The following L3MBTL4 variants were observed in gnomAD, a reference collection of about 807,000 sequenced individuals.
The protein encoded by L3MBTL4 is lethal(3)malignant brain tumor-like protein 4.
Under a neutral mutation model 84.5 loss-of-function variants are expected in L3MBTL4, and 70 were observed. The observed-to-expected ratio is 0.83, with a 90% CI of 0.68 to 1.01. The LOEUF (loss-of-function observed/expected upper bound fraction) is 1.01. Among genes scored for constraint, L3MBTL4 ranks in the 50% least tolerant of loss-of-function variants. The probability of loss-of-function intolerance (pLI) is 0.00; values close to 1 mark genes in which losing one functional copy is unlikely to be tolerated. For missense variants in L3MBTL4, 715 were observed against 754.8 expected (o/e 0.95, Z 0.62); for synonymous variants, 274 against 259.8 (o/e 1.05, Z -0.52).
intron 7 of L3MBTL4, 61 bp downstream of exon 7, chr18:6,243,233 T>G: frequency 1.5e-6 from 2 of 1,366,542 alleles, no homozygotes; most frequent in Non-Finnish European, 1.9e-6. Context: ...AAAGTATTGT[T>G]AAAATATAAG....
intron 16 of L3MBTL4, among the ~76,000 whole-genome samples, chr18:6,034,961 T>C (rs1249116039): frequency 1.3e-5 from 2 of 151,738 alleles, no homozygotes; most frequent in South Asian, 2.1e-4. Flanking sequence ...GAGAAGTGTC[T>C]GTTCATGTCC....
At chr18:5,966,017 C>G (rs546974418) in intron 17 of L3MBTL4, among the ~76,000 whole-genome samples, 1 of 152,306 alleles carries the variant, frequency 6.6e-6, no homozygotes, top group African/African-American at 2.4e-5. Context: ...GAGATTCCAC[C>G]TGTACCCACA....
chr18:6,345,620 A>T (rs1418081166), intron 1 of L3MBTL4, among the ~76,000 whole-genome samples: 1 of 152,080 alleles, frequency 6.6e-6, no homozygotes, highest in East Asian at 1.9e-4. Context: ...TTTAACCAAG[A>T]GGGTGAAAAA....
In L3MBTL4 at chr18:6,275,016, G is replaced by A. The variant is rs75674158; in HGVS notation, c.128-10978C>T. Among the ~76,000 whole-genome samples, 59 of 152,288 alleles carry A rather than the reference G, an allele frequency of 3.9e-4. 1 individual carries two copies. The East Asian group carries it at 0.01, about 26-fold the overall frequency. On this transcript the variant is annotated intron_variant, in intron 4 of 18. Transcript: ENST00000317931. ...GGGGGCTTAGTACATTTTCAGAGAC[G>A]CTGAATCTTTGAAATCCAAAGGCAT...
rs2046912413 is a variant in L3MBTL4 at position 6,229,590 on chromosome 18, T to C, written c.784+8374A>G. 3.9e-5 allele frequency among the ~76,000 whole-genome samples: 6 copies of C among 152,230 alleles called. No individual in the cohort carries two copies. In the South Asian group the frequency reaches 1.0e-3, roughly 26 times the overall value. ...GAAGCTTTTTCTCTACGTTTTCTTTTAAGAACTTCAATAGTTTTAGTTCTT... is the reference window on the plus strand; with the variant it reads ...GAAGCTTTTTCTCTACGTTTTCTTTCAAGAACTTCAATAGTTTTAGTTCTT... On this transcript the variant is annotated intron_variant, in intron 10 of 18. Coordinates refer to ENST00000317931, the MANE Select transcript of L3MBTL4 (RefSeq NM_001330559.2).
intron 1 of L3MBTL4, among the ~76,000 whole-genome samples, chr18:6,330,539 T>G (rs2051976532): frequency 6.6e-6 from 1 of 152,246 alleles, no homozygotes; most frequent in South Asian, 2.1e-4. Flanking sequence ...AAAGGAACTA[T>G]GCAATTACAT....
intron 1 of L3MBTL4, among the ~76,000 whole-genome samples, chr18:6,328,378 G>A (rs1177281687): frequency 6.6e-6 from 1 of 152,172 alleles, no homozygotes; most frequent in Non-Finnish European, 1.5e-5. Flanking sequence ...ATAGCTTATT[G>A]AGAAGGACAG....
chr18:6,078,099 T>A (rs1478989505), intron 16 of L3MBTL4, among the ~76,000 whole-genome samples: 1 of 143,080 alleles, frequency 7.0e-6, no homozygotes, highest in Non-Finnish European at 1.5e-5. Context: ...CTCATTCAAA[T>A]CTATGCCCAG....
chr18:6,094,267 G>A (rs1224155762), intron 14 of L3MBTL4, among the ~76,000 whole-genome samples: 1 of 152,164 alleles, frequency 6.6e-6, no homozygotes, highest in Non-Finnish European at 1.5e-5. Context: ...TCTCCAAAGA[G>A]GCCCCAAAAC....
chr18:6,397,129 C>T (rs149342317), intron 1 of L3MBTL4: 2 of 152,280 alleles, frequency 1.3e-5, no homozygotes, highest in East Asian at 1.9e-4. Context: ...GTGCAGCAAG[C>T]GGCCGCACTG....
chr18:6,053,864 A>C (rs970883896), intron 16 of L3MBTL4, among the ~76,000 whole-genome samples: 2 of 152,204 alleles, frequency 1.3e-5, no homozygotes, highest in African/African-American at 4.8e-5. Context: ...AGATGACCTA[A>C]ATATGTGAAA....
At chr18:5,964,266 G>A (rs145454147) in intron 17 of L3MBTL4, among the ~76,000 whole-genome samples, 2 of 152,344 alleles carry the variant, frequency 1.3e-5, no homozygotes, top group East Asian at 3.9e-4. Context: ...CCCAGGCTCT[G>A]AGAGGAGCCC....
chr18:5,967,349 C>T (rs186954691), intron 17 of L3MBTL4, among the ~76,000 whole-genome samples: 46 of 152,288 alleles, frequency 3.0e-4, no homozygotes, highest in African/African-American at 1.0e-3. Context: ...AGTGAGTATC[C>T]GCCTTACTGT....
intron 13 of L3MBTL4, among the ~76,000 whole-genome samples, chr18:6,169,788 C>A (rs2043874704): frequency 6.6e-6 from 1 of 151,776 alleles, no homozygotes; most frequent in Admixed American, 6.5e-5. Flanking sequence ...TGTAACAAAC[C>A]TGCACGTTGT....
chr18:6,222,204 ACT>A (rs1275818569), intron 10 of L3MBTL4, among the ~76,000 whole-genome samples: 2 of 152,106 alleles, frequency 1.3e-5, no homozygotes, highest in African/African-American at 2.4e-5. Flanking sequence ...CATAAGTTAG[ACT>A]CTCTAACATT....
intron 4 of L3MBTL4, among the ~76,000 whole-genome samples, chr18:6,267,791 T>C (rs73385962): frequency 2.2e-3 from 336 of 152,286 alleles, no homozygotes; most frequent in African/African-American, 7.9e-3. Flanking sequence ...TATCAAGCAA[T>C]AAAAGCTTTC....
intron 3 of L3MBTL4, among the ~76,000 whole-genome samples, chr18:6,304,266 C>T (rs1205606858): frequency 1.3e-5 from 2 of 152,004 alleles, no homozygotes; most frequent in African/African-American, 4.8e-5. Context: ...TCTTTCATCC[C>T]CAAAACATAG....
At chr18:6,191,947 A>G (rs1273588663) in intron 12 of L3MBTL4, among the ~76,000 whole-genome samples, 2 of 151,668 alleles carry the variant, frequency 1.3e-5, no homozygotes, top group Non-Finnish European at 2.9e-5. Context: ...CTAGGTTTGC[A>G]CTACTGCACT....
chr18:6,076,254 T>C (rs1047650183), intron 16 of L3MBTL4, among the ~76,000 whole-genome samples: 9 of 152,250 alleles, frequency 5.9e-5, no homozygotes, highest in Admixed American at 3.3e-4. Flanking sequence ...AATTGTGGTA[T>C]CTTCACAAAA....
Sources: allele counts gnomAD v4.1 joint callset (sites outside exome capture counted in the v4.1 genomes callset), GRCh38; gene constraint gnomAD v4.1.1; transcripts MANE v1.5; gene names NCBI Gene and HGNC (gene_info 2026-07-23, HGNC 2026-07-21).